Variants in EP300 observed in about 807,000 individuals in gnomAD.
EP300 encodes the protein histone acetyltransferase p300.
A neutral mutation model predicts 264.0 loss-of-function variants in EP300; 31 were observed. The observed-to-expected ratio is 0.12, with a 90% CI of 0.09 to 0.16. The LOEUF (loss-of-function observed/expected upper bound fraction) is 0.16, where lower values mean the gene tolerates loss of function less well. EP300 is among the 10% of genes least tolerant of loss of function. The pLI, the probability that EP300 is intolerant of heterozygous loss-of-function variation, is 1.00. For missense variants in EP300, 2,766 were observed against 3,052.9 expected (o/e 0.91, Z 2.21); for synonymous variants, 1,340 against 1,045.4 (o/e 1.28, Z -5.44).
chr22:41,133,384 C>G (rs1404494548), intron 6 of EP300, among the ~76,000 whole-genome samples: 1 of 151,626 alleles, frequency 6.6e-6, no homozygotes, highest in African/African-American at 2.4e-5. Flanking sequence ...CTCCTGACCT[C>G]AGGTGATCTG....
At chr22:41,106,562 G>C (rs1452138603) in intron 1 of EP300, among the ~76,000 whole-genome samples, 1 of 152,100 alleles carries the variant, frequency 6.6e-6, no homozygotes, top group African/African-American at 2.4e-5. Flanking sequence ...TACTCATCCT[G>C]TGGACTCAAC....
At chr22:41,134,962 T>C (rs35823862) in intron 6 of EP300, among the ~76,000 whole-genome samples, 11,916 of 151,984 alleles carry the variant, frequency 0.078, 589 homozygotes, top group East Asian at 0.17. Flanking sequence ...GGCTGGAGTG[T>C]AGTGGCGCCA....
Position 41,178,570 on chromosome 22 carries a change from A to G in EP300, c.6859A>G (p.Asn2287Asp), listed in dbSNP as rs2145522603. 4 of 1,613,940 alleles carry G rather than the reference A, an allele frequency of 2.5e-6. No individual in the cohort carries two copies. Among genetic ancestry groups the G allele is most frequent in the Non-Finnish European group, 2.5e-6 (3 of 1,179,972 alleles). ...PMSPQQHMLP[N>D]QAQSPHLQGQ... ...GAGCCCCCAGCAGCATATGCTCCCA[A>G]ATCAGGCCCAGTCCCCACACCTACA... Residue 2287 changes from asparagine (N) to aspartate (D), a missense_variant, in exon 31 of 31, where the codon AAT (asparagine) becomes GAT (aspartate). By Grantham distance (23) the Asn-to-Asp change is conservative. Transcript: ENST00000263253.
chr22:41,119,656 T>C (rs540344195), intron 2 of EP300, among the ~76,000 whole-genome samples: 40 of 152,152 alleles, frequency 2.6e-4, no homozygotes, highest in Admixed American at 8.5e-4. Context: ...TGACATCTGC[T>C]TGGGGGTGTG....
intron 8 of EP300, 109 bp downstream of exon 8, chr22:41,137,899 C>A: frequency 2.0e-6 from 3 of 1,465,416 alleles, no homozygotes; most frequent in South Asian, 1.2e-5. Context: ...TTTTCTGTAG[C>A]ATGGAGGTTG....
chr22:41,146,872 T>A (rs2145732678), intron 11 of EP300, 56 bp downstream of exon 11: 1 of 1,434,708 alleles, frequency 7.0e-7, no homozygotes, highest in Non-Finnish European at 9.7e-7. Context: ...TACTGCAAGA[T>A]AATACTTGCT....
rs376628079 is a variant in EP300, at chr22:41,160,623, A to G, written c.3591-19A>G. Reference sequence around the variant, plus strand: ...TGTGAACGGAACAGTTCACCCCAGTATGGCCTTCTTGCCGACAGGTATCAT... The same window carrying G: ...TGTGAACGGAACAGTTCACCCCAGTGTGGCCTTCTTGCCGACAGGTATCAT... On this transcript the variant is annotated intron_variant, in intron 19 of 30. Transcript: ENST00000263253. 6.1e-5 allele frequency: 98 copies of G among 1,613,048 alleles called. No individual in the cohort carries two copies. Among genetic ancestry groups the G allele is most frequent in the Non-Finnish European group, 7.9e-5 (93 of 1,179,320 alleles).
chr22:41,102,098 T>C (rs773612959), intron 1 of EP300, among the ~76,000 whole-genome samples: 1 of 151,878 alleles, frequency 6.6e-6, no homozygotes, highest in Non-Finnish European at 1.5e-5. Context: ...TGTTGGCTTT[T>C]GAGCCATAAT....
intron 1 of EP300, among the ~76,000 whole-genome samples, chr22:41,110,126 C>G (rs1264116920): frequency 1.5e-5 from 2 of 132,232 alleles, no homozygotes; most frequent in Non-Finnish European, 3.3e-5. Flanking sequence ...TGCCCCCCCC[C>G]CCTTTTTTTT....
intron 1 of EP300, among the ~76,000 whole-genome samples, chr22:41,102,949 A>C (rs1803222991): frequency 6.6e-6 from 1 of 152,124 alleles, no homozygotes; most frequent in Non-Finnish European, 1.5e-5. Flanking sequence ...TTCCGGGTTC[A>C]AGCGATTCTC....
chr22:41,164,130 G>A lies in EP300; in HGVS notation c.3806G>A (p.Gly1269Glu), dbSNP rs2145756484. The change falls in exon 22 of 31, where the codon GGA becomes GAA. Residue 1269 changes from glycine to glutamate, a missense_variant and splice_region_variant. Transcript: ENST00000263253. ...CACCATGAGATCATCTGGCCTGCTG[G>A]GTAAGTCTTAACGTTGTTACTTTCT... ...VLHHEIIWPA[G>E]FVCDGCLKKS... The A allele has an allele frequency of 6.2e-7, 1 of 1,613,800 alleles. No individual in the cohort carries two copies. The highest frequency in any genetic ancestry group is 1.3e-5 in the African/African-American group (1 of 74,996).
In EP300 at chr22:41,092,767, T is replaced by A. The variant is rs886057551; in HGVS notation, c.-238T>A. The A allele has an allele frequency of 6.4e-6, 4 of 622,396 alleles. No homozygotes were observed. In the African/African-American group the frequency reaches 7.4e-5, roughly 12 times the overall value. 38.6% of individuals were successfully genotyped at this position (622,396 alleles called of 1,614,324 possible). Reference sequence around the variant, plus strand: ...TCGGCGAATTTGTGCTCTTGTGCCCTCCTCCGGGCTTGGGCCCAGGCCCGG... The same window carrying A: ...TCGGCGAATTTGTGCTCTTGTGCCCACCTCCGGGCTTGGGCCCAGGCCCGG... On this transcript the variant is annotated 5_prime_UTR_variant, in exon 1 of 31. Transcript: ENST00000263253.
Position 41,176,927 on chromosome 22 carries a change from T to C in EP300, c.5216T>C (p.Ile1739Thr). Residue 1739 changes from isoleucine (I) to threonine (T), a missense_variant, in exon 31 of 31, where the codon ATC becomes ACC. Physicochemically the swap from Ile to Thr is moderately conservative, Grantham distance 89 (BLOSUM62 -1). Coordinates refer to ENST00000263253, the MANE Select transcript of EP300 (RefSeq NM_001429.4). ...CGCCGCCTGAGTATCCAGCGCTGCA[T>C]CCAGTCTCTGGTCCATGCTTGCCAG... ...DSRRLSIQRC[I>T]QSLVHACQCR... 1 of 1,614,118 alleles carries C rather than the reference T, an allele frequency of 6.2e-7. No homozygotes were observed. Among genetic ancestry groups the C allele is most frequent in the Non-Finnish European group, 8.5e-7 (1 of 1,180,016 alleles).
chr22:41,142,511 TTTTCAG>T (rs2058988468), intron 10 of EP300, among the ~76,000 whole-genome samples: 1 of 152,034 alleles, frequency 6.6e-6, no homozygotes, highest in Non-Finnish European at 1.5e-5. Flanking sequence ...TTAGAACAAA[TTTTCAG>T]GAATGAAAAA....
At chr22:41,110,539 C>T (rs568768251) in intron 1 of EP300, among the ~76,000 whole-genome samples, 19 of 151,682 alleles carry the variant, frequency 1.3e-4, no homozygotes, top group Admixed American at 5.3e-4. Context: ...GTGATCCACC[C>T]GCCTCGGCCT....
In EP300 at chr22:41,162,672, G is replaced by T. The variant is rs757930060; in HGVS notation, c.3672-51G>T. On this transcript the variant is annotated intron_variant, in intron 20 of 30. Transcript: ENST00000263253. ...GTTCCTTTGGTTAGAACAGCAGTCA[G>T]ATTGCTCATCTCTATCACTTTTTCT... 27 of 1,453,376 alleles carry T rather than the reference G, an allele frequency of 1.9e-5. No individual in the cohort carries two copies. In the Admixed American group the frequency reaches 3.7e-4, roughly 20 times the overall value. 90.0% of individuals were successfully genotyped at this position (1,453,376 alleles called of 1,614,324 possible).
At chr22:41,147,690 A>G (rs2059019510) in intron 11 of EP300, 147 bp from the exon 12 acceptor site, 2 of 628,226 alleles carry the variant, frequency 3.2e-6, no homozygotes, top group African/African-American at 1.8e-5. Context: ...GTGAGCGGAG[A>G]TTGCGCCACT....
At chr22:41,138,123 T>C (rs1009168279) in intron 8 of EP300, among the ~76,000 whole-genome samples, 46 of 152,196 alleles carry the variant, frequency 3.0e-4, no homozygotes, top group African/African-American at 1.1e-3. Context: ...CATTAAAATA[T>C]TGCATTGATA....
rs151308825 is a variant in EP300 at position 41,131,456 on chromosome 22, C to G, written c.1351C>G (p.Pro451Ala). The change falls in exon 6 of 31, where the codon CCC becomes GCC. Residue 451 changes from proline (P) to alanine (A), a missense_variant. Pro to Ala is a conservative substitution (Grantham distance 27). Coordinates refer to ENST00000263253, the MANE Select transcript of EP300 (RefSeq NM_001429.4). The part of the protein sequence containing the change: ...SSLGVGQQSA[P>A]NLSTVSQIDP... ...TCTAGGGGTGGGTCAACAGTCTGCCCCCAACCTAAGCACTGTTAGTCAGAT... is the reference window on the plus strand; with the variant it reads ...TCTAGGGGTGGGTCAACAGTCTGCCGCCAACCTAAGCACTGTTAGTCAGAT... 8 of 1,613,890 alleles carry G rather than the reference C, an allele frequency of 5.0e-6. No individual in the cohort carries two copies. In the African/African-American group the frequency reaches 9.4e-5, roughly 19 times the overall value.
Sources: allele counts gnomAD v4.1 joint callset (sites outside exome capture counted in the v4.1 genomes callset), GRCh38; gene constraint gnomAD v4.1.1; transcripts MANE v1.5; gene names NCBI Gene and HGNC (gene_info 2026-07-23, HGNC 2026-07-21).